The following NUDT9 variants were observed in gnomAD, a reference collection of about 807,000 sequenced individuals.
The protein encoded by NUDT9 is nudix hydrolase 9.
In NUDT9, 31 loss-of-function variants were observed where a neutral mutation model predicts 41.0. The observed-to-expected ratio is 0.76, with a 90% CI of 0.57 to 1.02. The LOEUF is 1.02. Ranked by LOEUF, NUDT9 falls within the 50% of genes least tolerant of loss-of-function variation. The pLI, the probability that NUDT9 is intolerant of heterozygous loss-of-function variation, is 0.00. For synonymous variants in NUDT9, 146 were observed against 147.6 expected (o/e 0.99, Z 0.08); for missense variants, 380 against 431.4 (o/e 0.88, Z 1.06).
At chr4:87,454,231 G>GGTACA (rs1255084520) in intron 6 of NUDT9, 140 bp from the exon 7 acceptor site, 2 of 524,920 alleles carry the variant, frequency 3.8e-6, no homozygotes, top group East Asian at 5.7e-5. Flanking sequence ...AACTGTTGAA[G>GGTACA]GTACAGCTCA....
intron 4 of NUDT9, among the ~76,000 whole-genome samples, chr4:87,443,939 A>T (rs1430588128): frequency 6.6e-6 from 1 of 152,188 alleles, no homozygotes; most frequent in Non-Finnish European, 1.5e-5. Flanking sequence ...TCCGAGGCAG[A>T]CCTATGTGGT....
chr4:87,423,051 C>T (rs1434749689), intron 1 of NUDT9, 39 bp downstream of exon 1: 1 of 1,516,756 alleles, frequency 6.6e-7, no homozygotes, highest in Non-Finnish European at 9.0e-7. Context: ...TTGCCCTAGA[C>T]CTTGAGTTGG....
intron 1 of NUDT9, among the ~76,000 whole-genome samples, chr4:87,424,448 A>G (rs1721315267): frequency 6.6e-6 from 1 of 151,936 alleles, no homozygotes; most frequent in African/African-American, 2.4e-5. Flanking sequence ...TAGTAGAGAC[A>G]GGGTTTCACC....
chr4:87,432,414 A>G (rs1721727239), intron 1 of NUDT9, among the ~76,000 whole-genome samples: 1 of 152,098 alleles, frequency 6.6e-6, no homozygotes, highest in Non-Finnish European at 1.5e-5. Flanking sequence ...CTGATTTTGG[A>G]TTTTTGGATT....
At chr4:87,440,569 C>T (rs953836803) in intron 3 of NUDT9, among the ~76,000 whole-genome samples, 3 of 152,210 alleles carry the variant, frequency 2.0e-5, no homozygotes, top group South Asian at 2.1e-4. Flanking sequence ...GGTTGCAGGC[C>T]GGGCATGGTG....
chr4:87,435,181 C>T lies in NUDT9; in HGVS notation c.308C>T (p.Ser103Phe). ...AAGCCTGTGGAATACACTGCAGTCTCTGTCTTGGCTGGACCCAGGTGGGCA... is the reference window on the plus strand; with the variant it reads ...AAGCCTGTGGAATACACTGCAGTCTTTGTCTTGGCTGGACCCAGGTGGGCA... Reference protein sequence around the residue: ...DYKPVEYTAVSVLAGPRWADP... With the variant: ...DYKPVEYTAVFVLAGPRWADP... Residue 103 changes from serine to phenylalanine, a missense_variant, in exon 2 of 8, where the codon TCT (serine) becomes TTT (phenylalanine). By Grantham distance (155) the Ser-to-Phe change is radical. Coordinates refer to ENST00000302174, the MANE Select transcript of NUDT9 (RefSeq NM_024047.5). 6.2e-7 allele frequency: 1 copy of T among 1,614,062 alleles called. No individual in the cohort carries two copies.
chr4:87,436,986 C>G (rs528548085), intron 2 of NUDT9, among the ~76,000 whole-genome samples: 1 of 152,058 alleles, frequency 6.6e-6, no homozygotes, highest in African/African-American at 2.4e-5. Flanking sequence ...CAGTGGCTCA[C>G]GCCTGTAATC....
intron 1 of NUDT9, 48 bp downstream of exon 1, chr4:87,423,060 G>A (rs772041730): frequency 1.8e-5 from 26 of 1,454,056 alleles, no homozygotes; most frequent in Admixed American, 1.4e-4. Flanking sequence ...ACCTTGAGTT[G>A]GGGGTGGGAA....
rs138661315 is a variant in NUDT9 at position 87,436,299 on chromosome 4, C to A, written c.347+1079C>A. Among the ~76,000 whole-genome samples, 345 of 152,120 alleles carry A rather than the reference C, an allele frequency of 2.3e-3. 4 individuals carry two copies. Among genetic ancestry groups the A allele is most frequent in the African/African-American group, 7.9e-3 (328 of 41,502 alleles). ...ATTTTGCATAACTGAAACTTTGTAC[C>A]CTTTGACCATCATCTCCCCATTTTT... is the stretch of plus-strand genomic sequence containing the variant. On this transcript the variant is annotated intron_variant, in intron 2 of 7. Coordinates refer to ENST00000302174, the MANE Select transcript of NUDT9 (RefSeq NM_024047.5).
intron 4 of NUDT9, among the ~76,000 whole-genome samples, chr4:87,448,697 C>A (rs1442721487): frequency 6.6e-6 from 1 of 152,086 alleles, no homozygotes; most frequent in Non-Finnish European, 1.5e-5. Context: ...CCATCCTGGT[C>A]TTGAACTCCT....
Position 87,457,933 on chromosome 4 carries a change from C to T in NUDT9, c.965C>T (p.Ala322Val). Residue 322 changes from alanine (A) to valine (V), a missense_variant, in exon 8 of 8, where the codon GCC becomes GTC. By Grantham distance (64) the Ala-to-Val change is moderately conservative. Transcript: ENST00000302174. ...ATCAATGATAAACTGAAGCTTTATGCCAGTCACTCTCAATTCATCAAACTT... is the reference window on the plus strand; with the variant it reads ...ATCAATGATAAACTGAAGCTTTATGTCAGTCACTCTCAATTCATCAAACTT... Reference protein sequence around the residue: ...VDINDKLKLYASHSQFIKLVA... With the variant: ...VDINDKLKLYVSHSQFIKLVA... 6.2e-7 allele frequency: 1 copy of T among 1,602,984 alleles called. No individual in the cohort carries two copies. The highest frequency in any genetic ancestry group is 8.5e-7 in the Non-Finnish European group (1 of 1,176,240).
intron 1 of NUDT9, among the ~76,000 whole-genome samples, chr4:87,430,975 G>C (rs764098370): frequency 3.3e-5 from 5 of 151,894 alleles, no homozygotes; most frequent in Non-Finnish European, 7.4e-5. Flanking sequence ...TTCTCTTGTT[G>C]CTTGTACTTT....
At chr4:87,456,988 G>A (rs1398771716) in intron 7 of NUDT9, among the ~76,000 whole-genome samples, 2 of 151,788 alleles carry the variant, frequency 1.3e-5, no homozygotes, top group Non-Finnish European at 2.9e-5. Context: ...TACTTTAATA[G>A]GCTTGTCTCT....
intron 4 of NUDT9, among the ~76,000 whole-genome samples, chr4:87,446,992 A>G (rs941544071): frequency 6.6e-6 from 1 of 152,110 alleles, no homozygotes; most frequent in Non-Finnish European, 1.5e-5. Flanking sequence ...AGCTTTCTAA[A>G]ATACAAACTG....
chr4:87,445,420 T>C (rs1303535605), intron 4 of NUDT9: 1 of 152,146 alleles, frequency 6.6e-6, no homozygotes. Flanking sequence ...AAAACAGCGT[T>C]GTTCAGGATT....
chr4:87,435,351 A>G (rs1350190943), intron 2 of NUDT9, 131 bp downstream of exon 2: 16 of 1,070,950 alleles, frequency 1.5e-5, no homozygotes, highest in African/African-American at 3.2e-5. Context: ...CTCAGTTTCC[A>G]CATTTGCTTG....
At chr4:87,440,907 T>G (rs779391076) in intron 3 of NUDT9, among the ~76,000 whole-genome samples, 11 of 152,082 alleles carry the variant, frequency 7.2e-5, no homozygotes, top group Non-Finnish European at 1.5e-4. Flanking sequence ...TCCTGTGAAT[T>G]TGGAAAGAAT....
At position 87,443,081 on chromosome 4, in the gene NUDT9, C is replaced by T. The variant is rs1007761479; in HGVS notation, c.530+1166C>T. On this transcript the variant is annotated intron_variant, in intron 4 of 7. Transcript: ENST00000302174. ...ACTGGCAGTGCAGTAGGTTTGTTTA[C>T]GTCAGCATCACCACAAGCATGTGAG... Among the ~76,000 whole-genome samples, 13 of 152,238 alleles carry T rather than the reference C, an allele frequency of 8.5e-5. No individual in the cohort carries two copies. In the East Asian group the frequency reaches 1.7e-3, roughly 20 times the overall value.
intron 4 of NUDT9, among the ~76,000 whole-genome samples, chr4:87,448,138 A>ATTT (rs1213818782): frequency 5.8e-4 from 54 of 92,384 alleles, no homozygotes; most frequent in East Asian, 9.6e-4. Context: ...TTAAAAGCAA[A>ATTT]TTTTTTTTTT....
Sources: gnomAD v4.1 joint callset for allele counts (sites outside exome capture counted in the v4.1 genomes callset) on GRCh38, gnomAD v4.1.1 for gene constraint, MANE v1.5 for transcripts, NCBI Gene and HGNC (gene_info 2026-07-23, HGNC 2026-07-21) for gene names.